Variants in IGSF21 observed in about 807,000 individuals in gnomAD.
The protein encoded by IGSF21 is immunoglobulin superfamily member 21.
Under a neutral mutation model 46.8 loss-of-function variants are expected in IGSF21, and 28 were observed. The ratio of observed to expected loss-of-function variants is 0.60; its 90% CI spans 0.44 to 0.82. IGSF21 has a LOEUF of 0.82. Among genes scored for constraint, IGSF21 ranks in the 40% least tolerant of loss-of-function variants. IGSF21 has a pLI of 0.00. For synonymous variants in IGSF21, 284 were observed against 273.6 expected, an observed-to-expected ratio of 1.04 and a Z score of -0.38; for missense variants, 624 against 665.5, an observed-to-expected ratio of 0.94 and a Z score of 0.69.
chr1:18,234,238 G>A (rs369931454), intron 2 of IGSF21, among the ~76,000 whole-genome samples: 24 of 152,254 alleles, frequency 1.6e-4, no homozygotes, highest in African/African-American at 5.3e-4. Flanking sequence ...AGCCAGGGTT[G>A]AGCCAACCCA....
intron 3 of IGSF21, among the ~76,000 whole-genome samples, chr1:18,323,556 G>T (rs58087507): frequency 0.034 from 5,234 of 152,266 alleles, 227 homozygotes; most frequent in African/African-American, 0.098. Flanking sequence ...AGGCAGCTGG[G>T]CCGCCAACGA....
intron 2 of IGSF21, chr1:18,278,802 T>C: frequency 2.1e-6 from 1 of 470,424 alleles, no homozygotes; most frequent in Non-Finnish European, 4.4e-6. Context: ...GCAATCTGCC[T>C]GCCTCGGCCT....
At chr1:18,295,168 G>T (rs1178157454) in intron 3 of IGSF21, among the ~76,000 whole-genome samples, 2 of 152,154 alleles carry the variant, frequency 1.3e-5, no homozygotes, top group South Asian at 4.1e-4. Flanking sequence ...CTGCCCCCAG[G>T]GGGTGCAGGT....
At chr1:18,372,632 AGAT>A (rs1553167514) in intron 6 of IGSF21, among the ~76,000 whole-genome samples, 1 of 135,204 alleles carries the variant, frequency 7.4e-6, no homozygotes, top group African/African-American at 2.8e-5. Context: ...ATGGATGGAT[AGAT>A]GGATGGATGG....
At chr1:18,301,749 A>G (rs1380007237) in intron 3 of IGSF21, among the ~76,000 whole-genome samples, 1 of 152,116 alleles carries the variant, frequency 6.6e-6, no homozygotes, top group East Asian at 1.9e-4. Flanking sequence ...TACACAGAGG[A>G]TCTACCCAGG....
rs536419319 is a variant in IGSF21 at position 18,337,878 on chromosome 1, G to A, written c.424+2868G>A. 6.6e-6 allele frequency among the ~76,000 whole-genome samples: 1 copy of A among 152,162 alleles called. No homozygotes were observed. Among genetic ancestry groups the A allele is most frequent in the South Asian group, 2.1e-4 (1 of 4,820 alleles). ...ACAGATGAAGAGACTGAGACCCAGGGAAGGGAATGAATTTGCTCCAGGCCT... is the reference window on the plus strand; with the variant it reads ...ACAGATGAAGAGACTGAGACCCAGGAAAGGGAATGAATTTGCTCCAGGCCT... On this transcript the variant is annotated intron_variant, in intron 4 of 9. Coordinates refer to ENST00000251296, the MANE Select transcript of IGSF21 (RefSeq NM_032880.5). The surrounding 1 kb of genome is among the most constrained non-coding windows in gnomAD (Gnocchi z 5.7).
At chr1:18,317,938 G>A (rs530591479) in intron 3 of IGSF21, among the ~76,000 whole-genome samples, 37 of 152,308 alleles carry the variant, frequency 2.4e-4, no homozygotes, top group Non-Finnish European at 4.3e-4. Context: ...TCCAGGTCAC[G>A]CAGCGAGTCA....
rs545021246 is a variant in IGSF21, at chr1:18,145,867, C to T, written c.70+37669C>T. Among the ~76,000 whole-genome samples, 3 of 152,286 alleles carry T rather than the reference C, an allele frequency of 2.0e-5. No homozygotes were observed. In the South Asian group the frequency reaches 6.2e-4, roughly 32 times the overall value. ...GGATGGAGCCCAGAACCAGGAGGAA[C>T]TTTGGTTGCTCCTTTATTCCTCCTT... is the stretch of plus-strand genomic sequence containing the variant. On this transcript the variant is annotated intron_variant, in intron 1 of 9. Transcript: ENST00000251296.
At chr1:18,155,991 T>A (rs1033989207) in intron 1 of IGSF21, among the ~76,000 whole-genome samples, 3 of 152,220 alleles carry the variant, frequency 2.0e-5, no homozygotes, top group Admixed American at 6.5e-5. Flanking sequence ...ATATAATATA[T>A]AATTATGATG....
chr1:18,158,735 C>A (rs1202727636), intron 1 of IGSF21, among the ~76,000 whole-genome samples: 7 of 152,192 alleles, frequency 4.6e-5, no homozygotes, highest in Non-Finnish European at 1.0e-4. Context: ...TGACCCTGGA[C>A]AAGTCACTTC....
Position 18,227,901 on chromosome 1 carries a change from A to T in IGSF21, c.74A>T (p.Tyr25Phe). Reference sequence around the variant, plus strand: ...CCCTTTCTCCTCTCTTCTGTAGGCTACCTGACAGTCAACATTGAGCCTCTC... The same window carrying T: ...CCCTTTCTCCTCTCTTCTGTAGGCTTCCTGACAGTCAACATTGAGCCTCTC... Reference protein sequence around the residue: ...LAAILDLARGYLTVNIEPLPP... With the variant: ...LAAILDLARGFLTVNIEPLPP... Residue 25 changes from tyrosine (Y) to phenylalanine (F), a missense_variant, in exon 2 of 10, where the codon TAC becomes TTC. Tyr to Phe is a conservative substitution (Grantham distance 22, BLOSUM62 3). Coordinates refer to ENST00000251296, the MANE Select transcript of IGSF21 (RefSeq NM_032880.5). The T allele has an allele frequency of 6.2e-7, 1 of 1,613,280 alleles. No homozygotes were observed. The highest frequency in any genetic ancestry group is 8.5e-7 in the Non-Finnish European group (1 of 1,179,380).
In IGSF21 at chr1:18,348,279, T is replaced by G. The variant is rs75547120; in HGVS notation, c.424+13269T>G. Among the ~76,000 whole-genome samples the G allele has an allele frequency of 7.3e-3, 1,112 of 152,330 alleles. 4 individuals are homozygous for G. Among genetic ancestry groups the G allele is most frequent in the South Asian group, 0.017 (80 of 4,834 alleles). ...GCCCTCCTGAGCCAACTGAAGGGAT[T>G]CATCTGCTTCTGGAATTATCTAGGC... On this transcript the variant is annotated intron_variant, in intron 4 of 9. Transcript: ENST00000251296.
rs369367032 is a variant in IGSF21 at position 18,208,395 on chromosome 1, A to ATATTTT, written c.71-19502_71-19501insATTTTT. On this transcript the variant is annotated intron_variant, in intron 1 of 9. Coordinates refer to ENST00000251296, the MANE Select transcript of IGSF21 (RefSeq NM_032880.5). ...AGGAATAATATATATATATATATAT[A>ATATTTT]TTTTTTGAGACGGAGTCTTGCTGTC... 2.6e-4 allele frequency among the ~76,000 whole-genome samples: 32 copies of ATATTTT among 123,772 alleles called. 1 individual carries two copies. Among genetic ancestry groups the ATATTTT allele is most frequent in the African/African-American group, 4.8e-4 (17 of 35,426 alleles). The allele number at this position is 123,772 out of a possible 152,430, so 81.2% of individuals were successfully genotyped here. A position where few individuals can be genotyped will look rare whatever the true frequency, so the allele number is the denominator to read the frequency against.
At chr1:18,363,577 G>A (rs2086126278) in intron 5 of IGSF21, among the ~76,000 whole-genome samples, 5 of 150,384 alleles carry the variant, frequency 3.3e-5, no homozygotes, top group Admixed American at 2.7e-4. Flanking sequence ...GGGCAGGGGA[G>A]TAGAGACACA....
At chr1:18,294,952 C>T (rs571142398) in intron 3 of IGSF21, among the ~76,000 whole-genome samples, 35 of 152,342 alleles carry the variant, frequency 2.3e-4, no homozygotes, top group Middle Eastern at 3.4e-3. Context: ...TGCATCTCAA[C>T]GAGAGAGAGT....
chr1:18,363,708 G>A (rs1055947595), intron 5 of IGSF21, among the ~76,000 whole-genome samples: 1 of 151,942 alleles, frequency 6.6e-6, no homozygotes, highest in Non-Finnish European at 1.5e-5. Context: ...CAGAGGTGCC[G>A]AGACACAGGT....
intron 1 of IGSF21, among the ~76,000 whole-genome samples, chr1:18,144,521 C>T (rs560414192): frequency 5.9e-5 from 9 of 152,302 alleles, no homozygotes; most frequent in African/African-American, 2.2e-4. Flanking sequence ...CAATTCTGAC[C>T]TAGCTTAGCC....
intron 2 of IGSF21, among the ~76,000 whole-genome samples, chr1:18,240,291 A>C (rs759957227): frequency 1.2e-3 from 184 of 152,214 alleles, no homozygotes; most frequent in Non-Finnish European, 2.3e-3. Flanking sequence ...AAAAACAAAA[A>C]CAAAGAAACC....
At chr1:18,324,222 T>C (rs1007292616) in intron 3 of IGSF21, among the ~76,000 whole-genome samples, 1 of 152,222 alleles carries the variant, frequency 6.6e-6, no homozygotes, top group African/African-American at 2.4e-5. Flanking sequence ...GCCGTGTCTT[T>C]TCCCTGTTTG....
Sources: allele counts gnomAD v4.1 joint callset (sites outside exome capture counted in the v4.1 genomes callset), GRCh38; gene constraint gnomAD v4.1.1; non-coding constraint Gnocchi (gnomAD v3.1); transcripts MANE v1.5; gene names NCBI Gene and HGNC (gene_info 2026-07-23, HGNC 2026-07-21).